The following NAALADL2 variants were observed in gnomAD, a reference collection of about 807,000 sequenced individuals.
The protein encoded by NAALADL2 is inactive N-acetylated-alpha-linked acidic dipeptidase-like protein 2.
Under a neutral mutation model 87.2 loss-of-function variants are expected in NAALADL2, and 76 were observed. That is an observed-to-expected ratio of 0.87 (90% confidence interval 0.72 to 1.05). The LOEUF is 1.05. NAALADL2 is among the 50% of genes least tolerant of loss of function. The probability of loss-of-function intolerance (pLI) is 0.00; values close to 1 mark genes in which losing one functional copy is unlikely to be tolerated. For missense variants in NAALADL2, 1,089 were observed against 945.8 expected, an observed-to-expected ratio of 1.15 and a Z score of -1.99; for synonymous variants, 354 against 331.0, an observed-to-expected ratio of 1.07 and a Z score of -0.75.
upstream of NAALADL2, among the ~76,000 whole-genome samples, chr3:174,854,595 A>G (rs1473691761): frequency 6.6e-6 from 1 of 152,148 alleles, no homozygotes; most frequent in Non-Finnish European, 1.5e-5. Context: ...CAATTATGCT[A>G]ATATCCATTA....
chr3:175,495,502 G>T (rs1445324924), intron 9 of NAALADL2, among the ~76,000 whole-genome samples: 2 of 151,958 alleles, frequency 1.3e-5, no homozygotes, highest in African/African-American at 2.4e-5. Flanking sequence ...AGTAATTGCG[G>T]TTTTTGCAAT....
In NAALADL2 at chr3:175,709,287, A is replaced by G. The variant is rs558183057; in HGVS notation, c.1897-28019A>G. Reference sequence around the variant, plus strand: ...TTTCCATAGATAAACATATCATGCTATGTGTGTATGTCATTGGACTGACAC... The same window carrying G: ...TTTCCATAGATAAACATATCATGCTGTGTGTGTATGTCATTGGACTGACAC... On this transcript the variant is annotated intron_variant, in intron 11 of 13. Coordinates refer to ENST00000454872, the MANE Select transcript of NAALADL2 (RefSeq NM_207015.3). Among the ~76,000 whole-genome samples the G allele has an allele frequency of 1.1e-4, 16 of 152,186 alleles. No homozygotes were observed. The East Asian group carries it at 2.5e-3, about 24-fold the overall frequency.
intron 11 of NAALADL2, among the ~76,000 whole-genome samples, chr3:175,673,444 G>A (rs1734277283): frequency 6.6e-6 from 1 of 152,050 alleles, no homozygotes. Context: ...GCTTTATGTT[G>A]ATAGATCTAT....
chr3:175,682,604 TTGAAAATGTGACACAAAAAGAATTTA>T (rs1735740976), intron 11 of NAALADL2, among the ~76,000 whole-genome samples: 1 of 151,942 alleles, frequency 6.6e-6, no homozygotes. Context: ...AATGTAGTGT[TTGAAAATGTGACACAAAAAGAATTTA>T]AAGGTGACAT....
chr3:175,639,140 C>G (rs767863961), intron 11 of NAALADL2, among the ~76,000 whole-genome samples: 1 of 151,978 alleles, frequency 6.6e-6, no homozygotes, highest in African/African-American at 2.4e-5. Context: ...CATAAAGCAT[C>G]ATGTTTGCCC....
At chr3:175,111,857 C>CG (rs1056631181) in intron 2 of NAALADL2, among the ~76,000 whole-genome samples, 2 of 151,512 alleles carry the variant, frequency 1.3e-5, no homozygotes, top group African/African-American at 4.8e-5. Context: ...GACTTGAAAT[C>CG]GGGGGAATTT....
intron 1 of NAALADL2, among the ~76,000 whole-genome samples, chr3:175,086,009 A>AG (rs1718831508): frequency 6.6e-6 from 1 of 152,198 alleles, no homozygotes; most frequent in Admixed American, 6.5e-5. Context: ...CAATAGTTGA[A>AG]GGGAGTATTT....
chr3:174,552,100 T>G (rs1464073683), intron 2 of NAALADL2, among the ~76,000 whole-genome samples: 2 of 152,212 alleles, frequency 1.3e-5, no homozygotes, highest in African/African-American at 4.8e-5. Context: ...GTGAAGGCTA[T>G]TATGAATACC....
intron 4 of NAALADL2, 70 bp from the exon 5 acceptor site, chr3:175,324,105 G>T: frequency 8.1e-7 from 1 of 1,229,824 alleles, no homozygotes; most frequent in South Asian, 1.5e-5. Context: ...TAGCCACATT[G>T]GCAAAATGGC....
intron 11 of NAALADL2, among the ~76,000 whole-genome samples, chr3:175,693,454 T>C (rs533375085): frequency 6.6e-6 from 1 of 152,270 alleles, no homozygotes; most frequent in South Asian, 2.1e-4. Flanking sequence ...GGCTTAGATA[T>C]TACTGACCAG....
At chr3:174,605,391 G>T (rs1718912082) in intron 2 of NAALADL2, among the ~76,000 whole-genome samples, 1 of 152,204 alleles carries the variant, frequency 6.6e-6, no homozygotes, top group Non-Finnish European at 1.5e-5. Flanking sequence ...AGCACAAGGG[G>T]TCAGGGAGTT....
intron 9 of NAALADL2, among the ~76,000 whole-genome samples, chr3:175,517,510 T>A (rs371666932): frequency 1.9e-4 from 29 of 152,306 alleles, no homozygotes; most frequent in Admixed American, 2.6e-4. Flanking sequence ...ATACATTTCA[T>A]GGCAAATTTG....
At chr3:175,448,244 G>A (rs1380815156) in intron 6 of NAALADL2, among the ~76,000 whole-genome samples, 2 of 152,208 alleles carry the variant, frequency 1.3e-5, no homozygotes, top group Admixed American at 6.5e-5. Flanking sequence ...ATTAAACAAG[G>A]TGGGAAAATT....
At chr3:174,847,317 C>G (rs1391863895) in intron 3 of NAALADL2, among the ~76,000 whole-genome samples, 2 of 152,084 alleles carry the variant, frequency 1.3e-5, no homozygotes, top group African/African-American at 2.4e-5. Flanking sequence ...CACAACCAAC[C>G]AACATAAGTT....
At chr3:175,149,243 G>C (rs1476391818) in intron 2 of NAALADL2, among the ~76,000 whole-genome samples, 1 of 152,084 alleles carries the variant, frequency 6.6e-6, no homozygotes. Flanking sequence ...AAAATGTTCA[G>C]TTAAGCATAG....
intron 12 of NAALADL2, among the ~76,000 whole-genome samples, chr3:175,742,540 G>A (rs866025918): frequency 6.6e-6 from 1 of 151,948 alleles, no homozygotes; most frequent in Admixed American, 6.6e-5. Context: ...TGGGACTACA[G>A]GCGCCCACCA....
At chr3:175,519,063 A>G (rs938001149) in intron 9 of NAALADL2, among the ~76,000 whole-genome samples, 1 of 152,192 alleles carries the variant, frequency 6.6e-6, no homozygotes, top group Non-Finnish European at 1.5e-5. Context: ...AGTATGGCCT[A>G]TCTGTATAGA....
intron 1 of NAALADL2, among the ~76,000 whole-genome samples, chr3:174,869,784 T>C (rs917600549): frequency 4.0e-5 from 6 of 151,870 alleles, no homozygotes; most frequent in Admixed American, 2.6e-4. Flanking sequence ...TCACCTGAGG[T>C]CAGGAGTTTG....
chr3:175,414,692 C>G (rs1424962742), intron 5 of NAALADL2, among the ~76,000 whole-genome samples: 1 of 152,142 alleles, frequency 6.6e-6, no homozygotes, highest in South Asian at 2.1e-4. Flanking sequence ...TCCTTCAACT[C>G]TGGTAACTAA....
Sources: allele counts gnomAD v4.1 joint callset (sites outside exome capture counted in the v4.1 genomes callset), GRCh38; gene constraint gnomAD v4.1.1; transcripts MANE v1.5; gene names NCBI Gene and HGNC (gene_info 2026-07-23, HGNC 2026-07-21).